The following BCAS3 variants were observed in gnomAD, a reference collection of about 807,000 sequenced individuals.
BCAS3 encodes BCAS3 microtubule associated cell migration factor.
BCAS3 carries 53 observed loss-of-function variants against 116.1 expected under a neutral mutation model. That is an observed-to-expected ratio of 0.46 (90% CI 0.37 to 0.57). BCAS3 has a LOEUF of 0.57. Ranked by LOEUF, BCAS3 falls within the 20% of genes least tolerant of loss-of-function variation. The pLI is 0.00. For synonymous variants in BCAS3, 391 were observed against 408.2 expected (o/e 0.96, Z 0.51); for missense variants, 917 against 1,165.4 (o/e 0.79, Z 3.10).
At chr17:61,372,942 C>A (rs1417498482) in intron 23 of BCAS3, among the ~76,000 whole-genome samples, 1 of 152,154 alleles carries the variant, frequency 6.6e-6, no homozygotes, top group African/African-American at 2.4e-5. Flanking sequence ...TAAATAAACA[C>A]CTGTGTACAT....
intron 10 of BCAS3, among the ~76,000 whole-genome samples, chr17:60,897,929 A>G (rs538603209): frequency 3.6e-4 from 54 of 151,046 alleles, no homozygotes; most frequent in Middle Eastern, 6.8e-3. Context: ...TGGTAGAGAT[A>G]GGGTCCTGCC....
Position 61,065,277 on chromosome 17 carries a change from A to C in BCAS3, c.2030-9643A>C, listed in dbSNP as rs537891600. On this transcript the variant is annotated intron_variant, in intron 19 of 23. Coordinates refer to ENST00000407086, the MANE Select transcript of BCAS3 (RefSeq NM_017679.5). The surrounding 1 kb of genome is among the most constrained non-coding windows in gnomAD (Gnocchi z 4.8). ...TGCTTTTGGATTATTTGTCTTCTGA[A>C]CCTTTGTTTTAAAATGGCAAATTTT... 6.6e-6 allele frequency among the ~76,000 whole-genome samples: 1 copy of C among 152,216 alleles called. No individual in the cohort carries two copies. The highest frequency in any genetic ancestry group is 2.1e-4 in the South Asian group (1 of 4,814).
At chr17:61,066,420 G>A (rs1381094231) in intron 19 of BCAS3, among the ~76,000 whole-genome samples, 1 of 152,110 alleles carries the variant, frequency 6.6e-6, no homozygotes, top group Non-Finnish European at 1.5e-5. Context: ...ACTTTTACAT[G>A]CGTTGGCAGT....
chr17:61,103,196 G>A (rs532481491), intron 22 of BCAS3, among the ~76,000 whole-genome samples: 20 of 152,162 alleles, frequency 1.3e-4, no homozygotes, highest in African/African-American at 4.3e-4. Flanking sequence ...GATTATGCTG[G>A]TATAACAGTG....
At chr17:60,944,096 A>C (rs1370313026) in intron 13 of BCAS3, among the ~76,000 whole-genome samples, 1 of 152,078 alleles carries the variant, frequency 6.6e-6, no homozygotes, top group Non-Finnish European at 1.5e-5. Context: ...AGAGCAAATG[A>C]ACCCAAAACA....
intron 12 of BCAS3, among the ~76,000 whole-genome samples, chr17:60,918,287 G>A (rs1251519589): frequency 6.6e-6 from 1 of 152,056 alleles, no homozygotes; most frequent in African/African-American, 2.4e-5. Context: ...TTGCTTATTG[G>A]CCATTTGGTT....
At position 60,993,738 on chromosome 17, in the gene BCAS3, G is replaced by A. The variant is rs572585199; in HGVS notation, c.1486+3503G>A. On this transcript the variant is annotated intron_variant, in intron 15 of 23. Transcript: ENST00000407086. The surrounding 1 kb of genome is among the most constrained non-coding windows in gnomAD (Gnocchi z 4.2). ...GGGATTCATCTTGAAAATGAATCAT[G>A]TTTTGGCGGTATTACCGTTGTTTGT... 2.0e-5 allele frequency among the ~76,000 whole-genome samples: 3 copies of A among 152,222 alleles called. No homozygotes were observed. Among genetic ancestry groups the A allele is most frequent in the South Asian group, 2.1e-4 (1 of 4,818 alleles).
At chr17:60,739,815 T>C (rs1172742955) in intron 5 of BCAS3, among the ~76,000 whole-genome samples, 2 of 152,130 alleles carry the variant, frequency 1.3e-5, no homozygotes, top group Admixed American at 6.5e-5. Context: ...AAGAAAGTTT[T>C]TGTCTTTTGT....
At chr17:60,702,657 T>G (rs1300663209) in intron 4 of BCAS3, among the ~76,000 whole-genome samples, 2 of 152,146 alleles carry the variant, frequency 1.3e-5, no homozygotes, top group African/African-American at 2.4e-5. Context: ...TGGTACAGTC[T>G]CAGCTCAGTG....
rs2065178438 is a variant in BCAS3, at chr17:61,012,502, G to T, written c.1487-3249G>T. Among the ~76,000 whole-genome samples the T allele has an allele frequency of 6.6e-6, 1 of 151,904 alleles. No individual in the cohort carries two copies. The highest frequency in any genetic ancestry group is 2.4e-5 in the African/African-American group (1 of 41,384). ...CTTTTTCTCTGAGTTTGTCTTCTTA[G>T]ATCTTGGCCTTATTGAGCATTTTAT... On this transcript the variant is annotated intron_variant, in intron 15 of 23. Coordinates refer to ENST00000407086, the MANE Select transcript of BCAS3 (RefSeq NM_017679.5). The surrounding 1 kb of genome is among the most constrained non-coding windows in gnomAD (Gnocchi z 4.5).
intron 13 of BCAS3, among the ~76,000 whole-genome samples, chr17:60,943,280 A>G (rs796933742): frequency 3.9e-5 from 6 of 152,278 alleles, no homozygotes; most frequent in African/African-American, 1.4e-4. Context: ...AATAAACTAC[A>G]AATACCAATT....
chr17:60,752,658 C>T (rs1048078885), intron 6 of BCAS3, among the ~76,000 whole-genome samples: 1 of 151,894 alleles, frequency 6.6e-6, no homozygotes, highest in African/African-American at 2.4e-5. Flanking sequence ...CTCCTGACTG[C>T]GTGATCCGCC....
In BCAS3 at chr17:61,339,113, T is replaced by C. The variant is rs2056954982; in HGVS notation, c.2426-29214T>C. On this transcript the variant is annotated intron_variant, in intron 22 of 23. Coordinates refer to ENST00000407086, the MANE Select transcript of BCAS3 (RefSeq NM_017679.5). The surrounding 1 kb of genome is among the most constrained non-coding windows in gnomAD (Gnocchi z 4.4). ...GGACTCTATTACTCAATCAGTGACA[T>C]GTGACCCCCTGGGAAGGTTGTTCTG... Among the ~76,000 whole-genome samples, 1 of 152,094 alleles carries C rather than the reference T, an allele frequency of 6.6e-6. No individual in the cohort carries two copies.
intron 22 of BCAS3, among the ~76,000 whole-genome samples, chr17:61,125,077 T>A (rs2075984164): frequency 6.6e-6 from 1 of 152,208 alleles, no homozygotes; most frequent in Non-Finnish European, 1.5e-5. Flanking sequence ...ATAATCAACC[T>A]TTAATTTTTA....
intron 22 of BCAS3, among the ~76,000 whole-genome samples, chr17:61,274,281 ATTTT>A (rs780529516): frequency 1.0e-5 from 1 of 96,226 alleles, no homozygotes; most frequent in African/African-American, 4.2e-5. Context: ...AAATCTTTGA[ATTTT>A]TTTTTTTTTT....
chr17:61,236,736 G>A (rs2083091725), intron 22 of BCAS3, among the ~76,000 whole-genome samples: 1 of 151,818 alleles, frequency 6.6e-6, no homozygotes, highest in Non-Finnish European at 1.5e-5. Flanking sequence ...GTTTCAAAAT[G>A]TTGTAAGTGG....
rs1285770723 is a variant in BCAS3, at chr17:61,067,736, A to ATAT, written c.2030-7184_2030-7183insTAT. Among the ~76,000 whole-genome samples, 574 of 131,898 alleles carry ATAT rather than the reference A, an allele frequency of 4.4e-3. 4 individuals are homozygous for ATAT. The highest frequency in any genetic ancestry group is 0.021 in the African/African-American group (542 of 25,336). 86.5% of individuals were successfully genotyped at this position (131,898 alleles called of 152,430 possible). A position where few individuals can be genotyped will look rare whatever the true frequency, so the allele number is the denominator to read the frequency against. ...TCTCAAACAAACAAACAAAAAAAAA[A>ATAT]AAAAATATATATATATATATAGAAA... On this transcript the variant is annotated intron_variant, in intron 19 of 23. Coordinates refer to ENST00000407086, the MANE Select transcript of BCAS3 (RefSeq NM_017679.5).
intron 7 of BCAS3, among the ~76,000 whole-genome samples, chr17:60,819,475 T>C (rs769804230): frequency 1.3e-5 from 2 of 152,238 alleles, no homozygotes; most frequent in Middle Eastern, 3.2e-3. Flanking sequence ...TCTTGTGATA[T>C]TGAAATTGGT....
At chr17:60,794,904 ATGAATT>A (rs2047081439) in intron 6 of BCAS3, among the ~76,000 whole-genome samples, 1 of 152,166 alleles carries the variant, frequency 6.6e-6, no homozygotes, top group East Asian at 1.9e-4. Context: ...TTGGTTCCAT[ATGAATT>A]TTAGAATTGT....
Sources: gnomAD v4.1 joint callset for allele counts (sites outside exome capture counted in the v4.1 genomes callset) on GRCh38, gnomAD v4.1.1 for gene constraint, Gnocchi (gnomAD v3.1) non-coding constraint, MANE v1.5 for transcripts, NCBI Gene and HGNC (gene_info 2026-07-23, HGNC 2026-07-21) for gene names.